The following PDE4B variants were observed in gnomAD, a reference collection of about 807,000 sequenced individuals.
The protein encoded by PDE4B is 3',5'-cyclic-AMP phosphodiesterase 4B.
PDE4B carries 20 observed loss-of-function variants against 82.2 expected under a neutral mutation model. The ratio of observed to expected loss-of-function variants is 0.24; its 90% CI spans 0.17 to 0.35. The LOEUF (loss-of-function observed/expected upper bound fraction) is 0.35, where lower values mean the gene tolerates loss of function less well. Among genes scored for constraint, PDE4B ranks in the 10% least tolerant of loss-of-function variants. PDE4B has a pLI of 1.00. For missense variants in PDE4B, 655 were observed against 907.2 expected, an observed-to-expected ratio of 0.72 and a Z score of 3.57; for synonymous variants, 320 against 318.9, an observed-to-expected ratio of 1.00 and a Z score of -0.04.
intron 9 of PDE4B, among the ~76,000 whole-genome samples, chr1:66,356,681 T>C (rs986800873): frequency 8.5e-5 from 13 of 152,246 alleles, no homozygotes; most frequent in African/African-American, 2.7e-4. Context: ...CCTATTTCTC[T>C]AACACCAAAG....
At chr1:66,016,912 G>T (rs138473798) in intron 3 of PDE4B, among the ~76,000 whole-genome samples, 1 of 152,204 alleles carries the variant, frequency 6.6e-6, no homozygotes, top group African/African-American at 2.4e-5. Context: ...TTTAGGGATG[G>T]GTTTTCTAAG....
intron 1 of PDE4B, among the ~76,000 whole-genome samples, chr1:65,842,377 C>A (rs1351226042): frequency 6.6e-6 from 1 of 151,944 alleles, no homozygotes; most frequent in Non-Finnish European, 1.5e-5. Context: ...TAAGGTGACC[C>A]CTTTTTGTGA....
intron 7 of PDE4B, among the ~76,000 whole-genome samples, chr1:66,272,604 A>AGC (rs1361246916): frequency 7.1e-6 from 1 of 140,176 alleles, no homozygotes; most frequent in East Asian, 2.0e-4. Flanking sequence ...CACCTACCAC[A>AGC]GCCAACTCCT....
intron 7 of PDE4B, among the ~76,000 whole-genome samples, chr1:66,315,605 G>A (rs929588726): frequency 2.0e-5 from 3 of 151,902 alleles, no homozygotes; most frequent in Non-Finnish European, 2.9e-5. Flanking sequence ...ATAGGCACAC[G>A]CCACCACGCC....
At chr1:66,283,110 G>C (rs1183940510) in intron 7 of PDE4B, among the ~76,000 whole-genome samples, 1 of 152,102 alleles carries the variant, frequency 6.6e-6, no homozygotes, top group East Asian at 1.9e-4. Flanking sequence ...AAGCTTAAAA[G>C]CATTTTCATA....
chr1:65,938,150 T>C (rs888588195), intron 3 of PDE4B, among the ~76,000 whole-genome samples: 7 of 152,182 alleles, frequency 4.6e-5, no homozygotes, highest in African/African-American at 1.7e-4. Context: ...CCCCACATCC[T>C]GAGAAGATAA....
At chr1:65,853,942 G>A (rs76052610) in intron 1 of PDE4B, among the ~76,000 whole-genome samples, 1 of 152,174 alleles carries the variant, frequency 6.6e-6, no homozygotes, top group African/African-American at 2.4e-5. Flanking sequence ...TCTTTCTTAT[G>A]TGCCCAATAT....
At chr1:66,339,275 T>C (rs1328267098) in intron 8 of PDE4B, among the ~76,000 whole-genome samples, 3 of 152,266 alleles carry the variant, frequency 2.0e-5, no homozygotes, top group Admixed American at 1.3e-4. Flanking sequence ...TTGTTTCAGT[T>C]ACTCTTTCTA....
intron 3 of PDE4B, among the ~76,000 whole-genome samples, chr1:66,048,214 T>G (rs1412883881): frequency 6.6e-6 from 1 of 151,876 alleles, no homozygotes; most frequent in African/African-American, 2.4e-5. Context: ...TCACTAAACT[T>G]CCATTATCCA....
chr1:65,848,360 G>A (rs1013205469), intron 1 of PDE4B, among the ~76,000 whole-genome samples: 1 of 152,010 alleles, frequency 6.6e-6, no homozygotes, highest in African/African-American at 2.4e-5. Context: ...TGGCCAGGAT[G>A]GTCTCGATCT....
intron 3 of PDE4B, among the ~76,000 whole-genome samples, chr1:65,989,339 A>C (rs1459207724): frequency 3.9e-5 from 6 of 152,084 alleles, no homozygotes; most frequent in Admixed American, 3.3e-4. Flanking sequence ...GTCTCTACTA[A>C]GAATACAAAA....
intron 7 of PDE4B, among the ~76,000 whole-genome samples, chr1:66,327,292 G>A (rs377731263): frequency 6.6e-6 from 1 of 152,128 alleles, no homozygotes. Flanking sequence ...AAAGATCATT[G>A]ACTGAAAATA....
chr1:66,201,364 A>G (rs944236270), intron 3 of PDE4B, among the ~76,000 whole-genome samples: 2 of 152,220 alleles, frequency 1.3e-5, no homozygotes, highest in South Asian at 2.1e-4. Context: ...GCCTCATAAA[A>G]TGAGTTAGGG....
At chr1:66,095,570 CAT>C (rs1270932263) in intron 3 of PDE4B, among the ~76,000 whole-genome samples, 14 of 152,020 alleles carry the variant, frequency 9.2e-5, no homozygotes, top group African/African-American at 3.1e-4. Context: ...CCAATTTCTC[CAT>C]ATGTCTGTTG....
At chr1:65,924,378 AT>A (rs1193781764) in intron 3 of PDE4B, among the ~76,000 whole-genome samples, 2 of 150,538 alleles carry the variant, frequency 1.3e-5, no homozygotes, top group African/African-American at 2.4e-5. Context: ...CCGGCCGCTA[AT>A]TTTTTTTTCA....
chr1:66,278,377 C>T lies in PDE4B; in HGVS notation c.634+12290C>T, dbSNP rs115373980. 9.8e-3 allele frequency among the ~76,000 whole-genome samples: 1,485 copies of T among 152,286 alleles called. 16 individuals are homozygous for T. The highest frequency in any genetic ancestry group is 0.034 in the African/African-American group (1,427 of 41,564). On this transcript the variant is annotated intron_variant, in intron 7 of 16. Transcript: ENST00000341517. ...ACATCCGTGGAACAAAAATTTGTTT[C>T]AGAATCTGTGATGCCAATCTGGACT...
intron 3 of PDE4B, among the ~76,000 whole-genome samples, chr1:66,110,208 G>T (rs763490392): frequency 3.9e-5 from 6 of 152,044 alleles, no homozygotes; most frequent in Admixed American, 1.3e-4. Context: ...AGCGGAAATT[G>T]ATGAGCGTTT....
chr1:66,361,995 C>T (rs754347111), intron 10 of PDE4B, among the ~76,000 whole-genome samples: 2 of 151,932 alleles, frequency 1.3e-5, no homozygotes, highest in Non-Finnish European at 2.9e-5. Context: ...GAACATGAGA[C>T]CAAGTCTTGG....
chr1:66,362,541 A>G lies in PDE4B; in HGVS notation c.1021-627A>G, dbSNP rs1662864012. Among the ~76,000 whole-genome samples the G allele has an allele frequency of 2.0e-5, 3 of 152,320 alleles. No homozygotes were observed. In the South Asian group the frequency reaches 6.2e-4, roughly 32 times the overall value. ...GGATCTCTTACTCTGGATAGTTACTAAGAATGAAATAAATTGGTCCTTAAA... is the reference window on the plus strand; with the variant it reads ...GGATCTCTTACTCTGGATAGTTACTGAGAATGAAATAAATTGGTCCTTAAA... On this transcript the variant is annotated intron_variant, in intron 10 of 16. Coordinates refer to ENST00000341517, the MANE Select transcript of PDE4B (RefSeq NM_002600.4).
Sources: gnomAD v4.1 joint callset for allele counts (sites outside exome capture counted in the v4.1 genomes callset) on GRCh38, gnomAD v4.1.1 for gene constraint, MANE v1.5 for transcripts, NCBI Gene and HGNC (gene_info 2026-07-23, HGNC 2026-07-21) for gene names.